FOXK2: variants seen among roughly 807,000 people sequenced by gnomAD.
The protein encoded by FOXK2 is forkhead box K2.
In FOXK2, 24 loss-of-function variants were observed where a neutral mutation model predicts 53.3. That is an observed-to-expected ratio of 0.45 (90% confidence interval 0.33 to 0.63). The LOEUF is 0.63. Ranked by LOEUF, FOXK2 falls within the 30% of genes least tolerant of loss-of-function variation. The pLI is 0.03. For synonymous variants in FOXK2, 505 were observed against 407.1 expected (o/e 1.24, Z -2.89); for missense variants, 952 against 910.5 (o/e 1.05, Z -0.59).
At chr17:82,600,363 C>A (rs926327161) in intron 8 of FOXK2, 1 of 152,288 alleles carries the variant, frequency 6.6e-6, no homozygotes, top group Non-Finnish European at 1.5e-5. Context: ...GTGGACCGAA[C>A]CCCGGGGAAA....
chr17:82,596,549 G>A lies in FOXK2; in HGVS notation c.1787-4754G>A, dbSNP rs369438538. Among the ~76,000 whole-genome samples, 5 of 14,026 alleles carry A rather than the reference G, an allele frequency of 3.6e-4. No individual in the cohort carries two copies. In the Admixed American group the frequency reaches 9.3e-3, roughly 26 times the overall value. 9.2% of individuals were successfully genotyped at this position (14,026 alleles called of 152,430 possible). A position where few individuals can be genotyped will look rare whatever the true frequency, so the allele number is the denominator to read the frequency against. Reference sequence around the variant, plus strand: ...GACTGTTTCCAGACGCACTTTCTGCGGGCAGTCTGTGTGGCAGGGCTCCCT... The same window carrying A: ...GACTGTTTCCAGACGCACTTTCTGCAGGCAGTCTGTGTGGCAGGGCTCCCT... On this transcript the variant is annotated intron_variant, in intron 8 of 8. Transcript: ENST00000335255.
intron 1 of FOXK2, among the ~76,000 whole-genome samples, chr17:82,543,676 G>A (rs1011095580): frequency 6.6e-6 from 1 of 151,814 alleles, no homozygotes; most frequent in Non-Finnish European, 1.5e-5. Flanking sequence ...GAGTGCAGTG[G>A]TGTGATCATG....
At chr17:82,528,718 G>A (rs1008892299) in intron 1 of FOXK2, among the ~76,000 whole-genome samples, 31 of 152,212 alleles carry the variant, frequency 2.0e-4, no homozygotes, top group Non-Finnish European at 1.2e-4. Flanking sequence ...CCTCGTGCAC[G>A]TCAGTTTAGA....
chr17:82,575,009 G>A (rs1270775350), intron 4 of FOXK2, among the ~76,000 whole-genome samples: 3 of 152,214 alleles, frequency 2.0e-5, no homozygotes, highest in Non-Finnish European at 2.9e-5. Context: ...AAACCAGGAC[G>A]GCCAAGTGAA....
intron 1 of FOXK2, among the ~76,000 whole-genome samples, chr17:82,528,159 T>A (rs2044437023): frequency 6.6e-6 from 1 of 152,190 alleles, no homozygotes; most frequent in Middle Eastern, 3.4e-3. Flanking sequence ...CAGGCGTGGC[T>A]CCCCCATTTA....
intron 4 of FOXK2, among the ~76,000 whole-genome samples, chr17:82,581,957 TA>T (rs1318513124): frequency 5.9e-5 from 9 of 152,102 alleles, no homozygotes; most frequent in Admixed American, 1.3e-4. Context: ...AGAGTTCAAA[TA>T]AAAAAACAGG....
intron 1 of FOXK2, among the ~76,000 whole-genome samples, chr17:82,537,380 G>A (rs55704826): frequency 0.18 from 27,159 of 151,964 alleles, 2,790 homozygotes; most frequent in Non-Finnish European, 0.24. Flanking sequence ...GGGCACGGTG[G>A]CTCACGCCTG....
chr17:82,582,072 T>C (rs1049422922), intron 4 of FOXK2, among the ~76,000 whole-genome samples: 3 of 152,158 alleles, frequency 2.0e-5, no homozygotes, highest in Non-Finnish European at 2.9e-5. Context: ...TTATACTGGA[T>C]TAATTTACTT....
chr17:82,586,997 T>C lies in FOXK2; in HGVS notation c.1577-66T>C. 3 of 1,510,890 alleles carry C rather than the reference T, an allele frequency of 2.0e-6. No individual in the cohort carries two copies. In the South Asian group the frequency reaches 3.4e-5, roughly 17 times the overall value. 93.6% of individuals were successfully genotyped at this position (1,510,890 alleles called of 1,614,324 possible). On this transcript the variant is annotated intron_variant, in intron 7 of 8. Transcript: ENST00000335255. ...TGATAGCTATCTGGTTATTATGTTT[T>C]AAACTGGCAAGATTTTTATTTGCTT...
At chr17:82,530,280 C>T (rs530685270) in intron 1 of FOXK2, among the ~76,000 whole-genome samples, 36 of 152,052 alleles carry the variant, frequency 2.4e-4, no homozygotes, top group African/African-American at 8.0e-4. Flanking sequence ...CTCCTGAGAT[C>T]GGGAGTTCGA....
At chr17:82,524,898 T>C (rs1039293347) in intron 1 of FOXK2, among the ~76,000 whole-genome samples, 1 of 151,412 alleles carries the variant, frequency 6.6e-6, no homozygotes, top group Non-Finnish European at 1.5e-5. Flanking sequence ...GCAGCTGGAG[T>C]GTGAGGTCTG....
chr17:82,593,565 CT>C (rs2045278583), intron 8 of FOXK2: 1 of 152,338 alleles, frequency 6.6e-6, no homozygotes, highest in Non-Finnish European at 1.5e-5. Flanking sequence ...CCTTCCGAGC[CT>C]TCTGGCTCCC....
intron 3 of FOXK2, among the ~76,000 whole-genome samples, chr17:82,570,389 C>G (rs537121301): frequency 2.6e-5 from 4 of 152,218 alleles, no homozygotes; most frequent in African/African-American, 9.6e-5. Context: ...GCTGCTGGGG[C>G]GGCTGAGGTG....
At chr17:82,598,863 G>C (rs2045347466) in intron 8 of FOXK2, 1 of 152,120 alleles carries the variant, frequency 6.6e-6, no homozygotes, top group African/African-American at 2.4e-5. Flanking sequence ...GCCTCTCTCT[G>C]TGGGGGCCAC....
intron 1 of FOXK2, among the ~76,000 whole-genome samples, chr17:82,530,457 AAAAAAAAAAG>A (rs1226858570): frequency 1.4e-5 from 2 of 144,452 alleles, no homozygotes; most frequent in African/African-American, 5.1e-5. Context: ...AAAAAAAAAA[AAAAAAAAAAG>A]AGAGAGAAAA....
At chr17:82,575,732 G>C (rs971206977) in intron 4 of FOXK2, among the ~76,000 whole-genome samples, 3 of 152,176 alleles carry the variant, frequency 2.0e-5, no homozygotes, top group African/African-American at 7.2e-5. Flanking sequence ...GATCACAGGA[G>C]ATTCTGAAAT....
At chr17:82,567,950 A>C in intron 2 of FOXK2, 104 bp from the exon 3 acceptor site, 1 of 579,348 alleles carries the variant, frequency 1.7e-6, no homozygotes, top group Non-Finnish European at 2.5e-6. Flanking sequence ...TTTTTTTTTA[A>C]CATTTCTGTA....
chr17:82,568,259 C>T, intron 3 of FOXK2, 58 bp downstream of exon 3: 1 of 1,589,626 alleles, frequency 6.3e-7, no homozygotes, highest in Non-Finnish European at 8.6e-7. Context: ...CCACAGGGCC[C>T]TCAATGTCAC....
chr17:82,550,970 C>T (rs761045661), intron 1 of FOXK2, among the ~76,000 whole-genome samples: 3 of 152,156 alleles, frequency 2.0e-5, no homozygotes, highest in East Asian at 1.9e-4. Context: ...AGTACTGAGC[C>T]GGGTCGTTAG....
Sources: allele counts gnomAD v4.1 joint callset (sites outside exome capture counted in the v4.1 genomes callset), GRCh38; gene constraint gnomAD v4.1.1; transcripts MANE v1.5; gene names NCBI Gene and HGNC (gene_info 2026-07-23, HGNC 2026-07-21).